The following RSF1 variants were observed in gnomAD, a reference collection of about 807,000 sequenced individuals.
RSF1 encodes the protein remodeling and spacing factor 1, also known as HBV pX-associated protein 8.
A neutral mutation model predicts 145.2 loss-of-function variants in RSF1; 13 were observed. The ratio of observed to expected loss-of-function variants is 0.09; its 90% confidence interval spans 0.06 to 0.14. The LOEUF (loss-of-function observed/expected upper bound fraction) is 0.14. Ranked by LOEUF, RSF1 falls within the 10% of genes least tolerant of loss-of-function variation. The pLI is 1.00. For synonymous variants in RSF1, 577 were observed against 592.6 expected (o/e 0.97, Z 0.38); for missense variants, 1,517 against 1,718.2 (o/e 0.88, Z 2.07).
intron 1 of RSF1, among the ~76,000 whole-genome samples, chr11:77,773,354 C>T (rs918926694): frequency 4.6e-5 from 7 of 151,964 alleles, no homozygotes; most frequent in Non-Finnish European, 8.8e-5. Flanking sequence ...ACACTATTTC[C>T]CAATCTATTC....
intron 9 of RSF1, among the ~76,000 whole-genome samples, chr11:77,688,292 T>C (rs4945199): frequency 0.74 from 113,260 of 152,108 alleles, 42,999 homozygotes; most frequent in African/African-American, 0.9. Context: ...AGCAAGACTC[T>C]GTCTCAAAAC....
At chr11:77,779,648 G>C (rs1948383824) in intron 1 of RSF1, among the ~76,000 whole-genome samples, 3 of 152,106 alleles carry the variant, frequency 2.0e-5, no homozygotes, top group African/African-American at 7.2e-5. Flanking sequence ...TGGGATTACA[G>C]GTGTGAACCA....
chr11:77,799,509 A>C (rs1217216142), intron 1 of RSF1, among the ~76,000 whole-genome samples: 2 of 151,550 alleles, frequency 1.3e-5, no homozygotes, highest in Admixed American at 1.3e-4. Flanking sequence ...GTCTCCAAAA[A>C]AAAAAAAAAA....
chr11:77,832,951 A>ATGTG, the RSF1 span, among the ~76,000 whole-genome samples: 695 of 68,410 alleles, frequency 0.01, 50 homozygotes, highest in Middle Eastern at 0.019. Context: ...GTATATATAT[A>ATGTG]TGTGTGTGTG....
chr11:77,692,196 TTCA>T (rs918746823), intron 8 of RSF1, among the ~76,000 whole-genome samples: 1 of 148,010 alleles, frequency 6.8e-6, no homozygotes, highest in African/African-American at 2.5e-5. Flanking sequence ...TGGCCAAACT[TTCA>T]TCATTTAAAA....
the RSF1 span, chr11:77,869,828 G>A: frequency 6.2e-7 from 1 of 1,612,062 alleles, no homozygotes; most frequent in South Asian, 1.1e-5. Context: ...GTAGGTGTTG[G>A]TATGCACAGC....
At chr11:77,674,217 A>C (rs183480402) in intron 14 of RSF1, among the ~76,000 whole-genome samples, 40 of 152,312 alleles carry the variant, frequency 2.6e-4, no homozygotes, top group Admixed American at 8.5e-4. Flanking sequence ...ACCAAAAAAA[A>C]CCCACAAGGA....
chr11:77,795,061 C>T lies in RSF1; in HGVS notation c.187+25467G>A, dbSNP rs566240254. 4.0e-5 allele frequency among the ~76,000 whole-genome samples: 6 copies of T among 151,528 alleles called. No individual in the cohort carries two copies. The South Asian group carries it at 8.3e-4, about 21-fold the overall frequency. Reference sequence around the variant, plus strand: ...TTTTTATACACCAATAACGCAAGAGCGAAAAAGGAATCAAGAAGGCAATCC... The same window carrying T: ...TTTTTATACACCAATAACGCAAGAGTGAAAAAGGAATCAAGAAGGCAATCC... On this transcript the variant is annotated intron_variant, in intron 1 of 15. Transcript: ENST00000308488.
In RSF1 at chr11:77,662,438, T is replaced by C. The variant is rs955115718; in HGVS notation, c.*4479A>G. ...TGGTGAGTGTATACTCTAAAGTGGT[T>C]ATATACTAAGCTCATTACATTTTGG... On this transcript the variant is annotated 3_prime_UTR_variant, in exon 16 of 16. Coordinates refer to ENST00000308488, the MANE Select transcript of RSF1 (RefSeq NM_016578.4). 1 of 152,148 alleles carries C rather than the reference T, an allele frequency of 6.6e-6. No individual in the cohort carries two copies. Among genetic ancestry groups the C allele is most frequent in the Non-Finnish European group, 1.5e-5 (1 of 67,998 alleles). The allele number at this position is 152,148 out of a possible 1,614,324, so 9.4% of individuals were successfully genotyped here. A position where few individuals can be genotyped will look rare whatever the true frequency, so the allele number is the denominator to read the frequency against.
At chr11:77,757,417 C>T (rs578013452) in intron 2 of RSF1, among the ~76,000 whole-genome samples, 39 of 152,200 alleles carry the variant, frequency 2.6e-4, no homozygotes, top group Admixed American at 2.0e-3. Context: ...CGGTGGCTCA[C>T]ACCTGTAATC....
chr11:77,683,137 A>C (rs1420397420), intron 11 of RSF1, among the ~76,000 whole-genome samples: 1 of 152,118 alleles, frequency 6.6e-6, no homozygotes, highest in Non-Finnish European at 1.5e-5. Flanking sequence ...CTAAAAATAC[A>C]AAAATTAGCT....
chr11:77,799,481 G>A (rs1243825129), intron 1 of RSF1, among the ~76,000 whole-genome samples: 1 of 147,182 alleles, frequency 6.8e-6, no homozygotes, highest in Non-Finnish European at 1.5e-5. Flanking sequence ...TTCAGCCTGG[G>A]TGACAGAGTG....
intron 14 of RSF1, 75 bp downstream of exon 14, chr11:77,674,961 T>C: frequency 1.7e-6 from 2 of 1,203,242 alleles, no homozygotes; most frequent in East Asian, 2.4e-5. Context: ...ATGGTGCCAT[T>C]GCACTCCAGC....
At chr11:77,741,566 TTTTC>T (rs551988505) in intron 3 of RSF1, among the ~76,000 whole-genome samples, 149 of 152,164 alleles carry the variant, frequency 9.8e-4, no homozygotes, top group Non-Finnish European at 1.8e-3. Context: ...TTTTTTTACA[TTTTC>T]TTTATTTAAA....
chr11:77,721,801 C>T (rs893296582), intron 5 of RSF1, among the ~76,000 whole-genome samples: 2 of 151,972 alleles, frequency 1.3e-5, no homozygotes, highest in African/African-American at 4.8e-5. Flanking sequence ...AGAGAAGGTG[C>T]ACAGTAAGTA....
chr11:77,704,700 T>C (rs887640543), intron 5 of RSF1, among the ~76,000 whole-genome samples: 24 of 152,170 alleles, frequency 1.6e-4, no homozygotes, highest in African/African-American at 5.8e-4. Flanking sequence ...TGGTGTCATA[T>C]TTCTTTTATT....
chr11:77,778,248 A>ATGGGGAGGGGAGGGGG (rs1565177699), intron 1 of RSF1, among the ~76,000 whole-genome samples: 1 of 18,472 alleles, frequency 5.4e-5, no homozygotes, highest in Non-Finnish European at 9.3e-5. Context: ...AGGGGAGAGC[A>ATGGGGAGGGGAGGGGG]TGGGGGAGGG....
intron 4 of RSF1, among the ~76,000 whole-genome samples, chr11:77,731,792 G>A (rs1284682819): frequency 6.6e-6 from 1 of 152,238 alleles, no homozygotes; most frequent in Non-Finnish European, 1.5e-5. Context: ...AGAAGAACTG[G>A]AGTTTGGGAA....
rs201625012 is a variant in RSF1, at chr11:77,667,401, T to C, written c.3842A>G (p.Tyr1281Cys). The change falls in exon 16 of 16, where the codon TAT (tyrosine) becomes TGT (cysteine). Residue 1281 changes from tyrosine to cysteine, a missense_variant. Transcript: ENST00000308488. ...CTCCTCCTCCTCATCTGCTTCTGAATACTCGTCTGTGCTTCGGCCCCGCTT... is the reference window on the plus strand; with the variant it reads ...CTCCTCCTCCTCATCTGCTTCTGAACACTCGTCTGTGCTTCGGCCCCGCTT... ...VRKRGRSTDE[Y>C]SEADEEEEEE... 80 of 1,613,966 alleles carry C rather than the reference T, an allele frequency of 5.0e-5. No homozygotes were observed. Among genetic ancestry groups the C allele is most frequent in the Admixed American group, 1.2e-4 (7 of 60,010 alleles).
Sources: allele counts gnomAD v4.1 joint callset (sites outside exome capture counted in the v4.1 genomes callset), GRCh38; gene constraint gnomAD v4.1.1; transcripts MANE v1.5; gene names NCBI Gene and HGNC (gene_info 2026-07-23, HGNC 2026-07-21).